The following EPHA7 variants were observed in gnomAD, a reference collection of about 807,000 sequenced individuals.
The protein encoded by EPHA7 is EPH receptor A7.
In EPHA7, 25 loss-of-function variants were observed where a neutral mutation model predicts 112.6. The ratio of observed to expected loss-of-function variants is 0.22; its 90% CI spans 0.16 to 0.31. EPHA7 has a LOEUF of 0.31. Among genes scored for constraint, EPHA7 ranks in the 10% least tolerant of loss-of-function variants. The pLI is 1.00. For synonymous variants in EPHA7, 437 were observed against 406.5 expected, an observed-to-expected ratio of 1.07 and a Z score of -0.90; for missense variants, 962 against 1,212.6, an observed-to-expected ratio of 0.79 and a Z score of 3.07.
At position 93,242,328 on chromosome 6, in the gene EPHA7, G is replaced by T. The variant is rs1160026641; in HGVS notation, c.*1098C>A. On this transcript the variant is annotated 3_prime_UTR_variant, in exon 17 of 17. Coordinates refer to ENST00000369303, the MANE Select transcript of EPHA7 (RefSeq NM_004440.4). ...AATTTGTGTTTAAATGGTGAAAATT[G>T]TGAACTGCCCCTTTATCATGCTTCA... 1 of 201,588 alleles carries T rather than the reference G, an allele frequency of 5.0e-6. No individual in the cohort carries two copies. Among genetic ancestry groups the T allele is most frequent in the East Asian group, 7.7e-5 (1 of 13,058 alleles). 12.5% of individuals were successfully genotyped at this position (201,588 alleles called of 1,614,324 possible). A position where few individuals can be genotyped will look rare whatever the true frequency, so the allele number is the denominator to read the frequency against.
intron 5 of EPHA7, among the ~76,000 whole-genome samples, chr6:93,335,243 T>C (rs1774807232): frequency 6.6e-6 from 1 of 152,116 alleles, no homozygotes; most frequent in Non-Finnish European, 1.5e-5. Context: ...ATGGGAGATA[T>C]TCAAGAAATA....
intron 3 of EPHA7, among the ~76,000 whole-genome samples, chr6:93,405,776 T>C (rs2127991460): frequency 8.5e-6 from 1 of 117,330 alleles, no homozygotes; most frequent in South Asian, 3.0e-4. Flanking sequence ...CTTATATTTC[T>C]GTATATATGT....
chr6:93,360,915 A>T (rs1176145999), intron 3 of EPHA7, among the ~76,000 whole-genome samples: 1 of 152,090 alleles, frequency 6.6e-6, no homozygotes, highest in Non-Finnish European at 1.5e-5. Context: ...CCAAAGTTTG[A>T]CACTTACGTA....
intron 5 of EPHA7, among the ~76,000 whole-genome samples, chr6:93,351,171 G>C (rs1161960063): frequency 1.3e-5 from 2 of 151,870 alleles, no homozygotes; most frequent in Non-Finnish European, 2.9e-5. Context: ...CTCACTCCTA[G>C]GAAAAACTGC....
In EPHA7 at chr6:93,259,413, T is replaced by C. The variant is rs200277966; in HGVS notation, c.1865A>G (p.His622Arg). 14 of 1,612,314 alleles carry C rather than the reference T, an allele frequency of 8.7e-6. No individual in the cohort carries two copies. In the African/African-American group the frequency reaches 1.1e-4, roughly 12 times the overall value. The change falls in exon 10 of 17, where the codon CAT becomes CGT. Residue 622 changes from histidine (H) to arginine (R), a missense_variant. Transcript: ENST00000369303. ...GGCATCTAGCTCCTTGGCGAATTGATGGACAGCTCTATTTGGGTCCTCATA... is the reference window on the plus strand; with the variant it reads ...GGCATCTAGCTCCTTGGCGAATTGACGGACAGCTCTATTTGGGTCCTCATA... ...ETYEDPNRAV[H>R]QFAKELDASC...
intron 5 of EPHA7, among the ~76,000 whole-genome samples, chr6:93,284,099 G>T (rs1045186450): frequency 2.6e-5 from 4 of 152,080 alleles, no homozygotes; most frequent in African/African-American, 9.7e-5. Context: ...TGAAGAGAAT[G>T]ATCAATTTCA....
chr6:93,358,631 C>T (rs2127947357), intron 3 of EPHA7, among the ~76,000 whole-genome samples: 1 of 152,254 alleles, frequency 6.6e-6, no homozygotes, highest in Middle Eastern at 3.4e-3. Flanking sequence ...AAACTTGCAC[C>T]TGCAGTTGGC....
chr6:93,380,118 T>C (rs564769802), intron 3 of EPHA7, among the ~76,000 whole-genome samples: 8 of 152,166 alleles, frequency 5.3e-5, no homozygotes, highest in African/African-American at 1.9e-4. Flanking sequence ...AAATCCATTA[T>C]TAATCCATTT....
In EPHA7 at chr6:93,410,369, T is replaced by C; in HGVS notation, c.832+132A>G. ...CAATCACTAAGTTCAACGGTGACTT[T>C]GTTTAAGATCTACTGAATTGCGCTT... On this transcript the variant is annotated intron_variant, in intron 3 of 16. Transcript: ENST00000369303. The surrounding 1 kb of genome is among the most constrained non-coding windows in gnomAD (Gnocchi z 4.0). 1 of 786,152 alleles carries C rather than the reference T, an allele frequency of 1.3e-6. No individual in the cohort carries two copies. Among genetic ancestry groups the C allele is most frequent in the East Asian group, 2.6e-5 (1 of 39,072 alleles). The allele number at this position is 786,152 out of a possible 1,614,324, so 48.7% of individuals were successfully genotyped here.
intron 5 of EPHA7, among the ~76,000 whole-genome samples, chr6:93,289,494 A>G (rs183374776): frequency 0.039 from 5,936 of 151,838 alleles, 391 homozygotes; most frequent in African/African-American, 0.14. Flanking sequence ...AGTGGTGGCG[A>G]GCACCTGTAG....
intron 12 of EPHA7, among the ~76,000 whole-genome samples, chr6:93,256,414 G>A (rs915250384): frequency 2.0e-5 from 3 of 151,876 alleles, no homozygotes; most frequent in Non-Finnish European, 4.4e-5. Context: ...AGTATATAAA[G>A]AAATTAATAT....
chr6:93,279,142 C>G (rs1046709050), intron 5 of EPHA7, among the ~76,000 whole-genome samples: 4 of 152,054 alleles, frequency 2.6e-5, no homozygotes, highest in African/African-American at 9.7e-5. Flanking sequence ...CAACCTGTCC[C>G]CATGTAACTA....
chr6:93,311,013 G>A (rs1363369133), intron 5 of EPHA7, among the ~76,000 whole-genome samples: 2 of 151,004 alleles, frequency 1.3e-5, no homozygotes, highest in Non-Finnish European at 2.9e-5. Flanking sequence ...ACAGTGGTGT[G>A]ATCACAGCTC....
At chr6:93,248,450 A>C (rs1034072078) in intron 14 of EPHA7, among the ~76,000 whole-genome samples, 1 of 152,098 alleles carries the variant, frequency 6.6e-6, no homozygotes, top group Non-Finnish European at 1.5e-5. Flanking sequence ...ATAAGTATAA[A>C]ATTTAAGACC....
At chr6:93,360,586 C>T (rs1776212987) in intron 3 of EPHA7, among the ~76,000 whole-genome samples, 1 of 152,112 alleles carries the variant, frequency 6.6e-6, no homozygotes, top group African/African-American at 2.4e-5. Context: ...AATTCTCATT[C>T]TCCCATTGCA....
intron 5 of EPHA7, among the ~76,000 whole-genome samples, chr6:93,319,086 T>C (rs1773943510): frequency 6.6e-6 from 1 of 152,104 alleles, no homozygotes; most frequent in South Asian, 2.1e-4. Context: ...GTTTAGGAAG[T>C]AATATCAAGG....
chr6:93,345,417 AC>A (rs1280346222), intron 5 of EPHA7, among the ~76,000 whole-genome samples: 2 of 151,738 alleles, frequency 1.3e-5, no homozygotes. Context: ...TGTGTCTTAA[AC>A]AAGGCAAGCA....
chr6:93,291,767 C>CAAAAA lies in EPHA7; in HGVS notation c.1325-19350_1325-19346dup, dbSNP rs66483422. On this transcript the variant is annotated intron_variant, in intron 5 of 16. Transcript: ENST00000369303. ...TGGGCGACAGAGCGAGACTCCGTCT[C>CAAAAA]AAAAAAAAAAAAAAAAAAAATACTT... Among the ~76,000 whole-genome samples the CAAAAA allele has an allele frequency of 1.3e-3, 93 of 71,676 alleles. 10 individuals carry two copies. The highest frequency in any genetic ancestry group is 4.2e-3 in the African/African-American group (71 of 17,056). The allele number at this position is 71,676 out of a possible 152,430, so 47.0% of individuals were successfully genotyped here. A position where few individuals can be genotyped will look rare whatever the true frequency, so the allele number is the denominator to read the frequency against.
intron 5 of EPHA7, among the ~76,000 whole-genome samples, chr6:93,290,863 A>C (rs573609799): frequency 9.2e-5 from 14 of 152,284 alleles, no homozygotes; most frequent in African/African-American, 3.4e-4. Flanking sequence ...GACTCTTTAA[A>C]GGGAATTCTA....
Sources: gnomAD v4.1 joint callset for allele counts (sites outside exome capture counted in the v4.1 genomes callset) on GRCh38, gnomAD v4.1.1 for gene constraint, Gnocchi (gnomAD v3.1) non-coding constraint, MANE v1.5 for transcripts, NCBI Gene and HGNC (gene_info 2026-07-23, HGNC 2026-07-21) for gene names.